The following USH2A variants were observed in gnomAD, a reference collection of about 807,000 sequenced individuals.
USH2A encodes Usher syndrome 2A (autosomal recessive, mild).
Under a neutral mutation model 538.9 loss-of-function variants are expected in USH2A, and 443 were observed. The ratio of observed to expected loss-of-function variants is 0.82; its 90% CI spans 0.76 to 0.89. The LOEUF (loss-of-function observed/expected upper bound fraction) is 0.89. USH2A is among the 40% of genes least tolerant of loss of function. The pLI is 0.00. For missense variants in USH2A, 6,633 were observed against 6,324.8 expected (o/e 1.05, Z -1.65); for synonymous variants, 2,413 against 2,273.5 (o/e 1.06, Z -1.75).
chr1:215,948,840 G>A (rs1349777951), intron 37 of USH2A, among the ~76,000 whole-genome samples: 6 of 151,968 alleles, frequency 3.9e-5, no homozygotes, highest in Non-Finnish European at 5.9e-5. Flanking sequence ...AATCTCACAT[G>A]AATAACTGGA....
intron 37 of USH2A, among the ~76,000 whole-genome samples, chr1:215,962,866 C>T (rs1558184191): frequency 6.6e-6 from 1 of 152,056 alleles, no homozygotes; most frequent in Non-Finnish European, 1.5e-5. Flanking sequence ...TGCCACTTCA[C>T]TTGTTGTTAC....
At chr1:216,166,568 T>C (rs531319469) in intron 21 of USH2A, among the ~76,000 whole-genome samples, 5 of 152,142 alleles carry the variant, frequency 3.3e-5, no homozygotes, top group African/African-American at 7.2e-5. Flanking sequence ...GGCAGTAGCG[T>C]AGGACCAGCA....
At chr1:215,654,046 T>C (rs1361850618) in intron 64 of USH2A, among the ~76,000 whole-genome samples, 3 of 152,214 alleles carry the variant, frequency 2.0e-5, no homozygotes, top group Non-Finnish European at 4.4e-5. Flanking sequence ...AGAGTTATTA[T>C]TGGGGAAGAA....
intron 37 of USH2A, among the ~76,000 whole-genome samples, chr1:215,964,171 C>T (rs1667272677): frequency 6.6e-6 from 1 of 152,098 alleles, no homozygotes; most frequent in African/African-American, 2.4e-5. Flanking sequence ...ATTATTCACC[C>T]AGCTGCCTTG....
chr1:216,241,237 G>A (rs1262614212), intron 13 of USH2A, among the ~76,000 whole-genome samples: 3 of 152,098 alleles, frequency 2.0e-5, no homozygotes, highest in East Asian at 3.9e-4. Context: ...AAATCAAGGT[G>A]AAATATATGT....
intron 21 of USH2A, chr1:216,174,895 T>C: frequency 5.4e-6 from 6 of 1,106,184 alleles, no homozygotes; most frequent in Non-Finnish European, 6.7e-6. Context: ...GAATCTCCAA[T>C]AGCATGAGGG....
chr1:216,197,568 T>C (rs971339884), intron 18 of USH2A, among the ~76,000 whole-genome samples: 1 of 152,204 alleles, frequency 6.6e-6, no homozygotes, highest in Non-Finnish European at 1.5e-5. Context: ...CCCTTGGACA[T>C]CAACCTAAAG....
At chr1:216,159,094 T>C (rs2034003919) in intron 21 of USH2A, among the ~76,000 whole-genome samples, 1 of 152,164 alleles carries the variant, frequency 6.6e-6, no homozygotes, top group African/African-American at 2.4e-5. Context: ...AACTGAATAG[T>C]TTATATATTA....
At chr1:215,810,382 C>T (rs996722508) in intron 49 of USH2A, among the ~76,000 whole-genome samples, 11 of 152,140 alleles carry the variant, frequency 7.2e-5, no homozygotes, top group African/African-American at 2.7e-4. Flanking sequence ...GGTTCAAAAT[C>T]TGACTACTTA....
intron 11 of USH2A, among the ~76,000 whole-genome samples, chr1:216,283,454 C>A (rs2036822809): frequency 6.6e-6 from 1 of 152,118 alleles, no homozygotes; most frequent in Non-Finnish European, 1.5e-5. Flanking sequence ...AAGATAATGG[C>A]ATATGCAAAT....
intron 67 of USH2A, 110 bp from the exon 68 acceptor site, chr1:215,640,844 C>CAAAAAAAAAAAA (rs56212994): frequency 6.0e-6 from 3 of 496,792 alleles, no homozygotes; most frequent in Non-Finnish European, 9.4e-6. Flanking sequence ...CCAATCCAAA[C>CAAAAAAAAAAAA]AAAAAAAAAA....
In USH2A at chr1:215,998,916, G is replaced by A. The variant is rs192115090; in HGVS notation, c.6628C>T (p.Pro2210Ser). Residue 2210 changes from proline (P) to serine (S), a missense_variant, in exon 34 of 72, where the codon CCT (proline) becomes TCT (serine). Physicochemically the swap from Pro to Ser is moderately conservative, Grantham distance 74. Transcript: ENST00000307340. ...AGCTTGATGAGATATTTATTACCAG[G>A]TAAAACGTATTGTAGCATATGATCC... ...FQDHMLQYVL[P>S]GNKYLIKLGA... 1.1e-5 allele frequency: 17 copies of A among 1,613,144 alleles called. No homozygotes were observed. In the South Asian group the frequency reaches 1.9e-4, roughly 18 times the overall value.
At chr1:216,122,876 GC>G (rs912910297) in intron 21 of USH2A, among the ~76,000 whole-genome samples, 1 of 152,116 alleles carries the variant, frequency 6.6e-6, no homozygotes, top group Non-Finnish European at 1.5e-5. Context: ...ATAGAAAATT[GC>G]TTTTTATCAA....
intron 32 of USH2A, among the ~76,000 whole-genome samples, chr1:216,007,908 A>G (rs192482727): frequency 1.3e-5 from 2 of 152,270 alleles, no homozygotes; most frequent in African/African-American, 4.8e-5. Context: ...AAATAAAATC[A>G]TAACTGTACA....
At chr1:215,931,344 T>C (rs1341193059) in intron 38 of USH2A, among the ~76,000 whole-genome samples, 1 of 151,984 alleles carries the variant, frequency 6.6e-6, no homozygotes, top group Non-Finnish European at 1.5e-5. Context: ...CCTGGTAAAA[T>C]TCTTTGGAGT....
intron 49 of USH2A, among the ~76,000 whole-genome samples, chr1:215,808,317 C>A (rs6686365): frequency 0.017 from 2,551 of 152,186 alleles, 77 homozygotes; most frequent in African/African-American, 0.058. Flanking sequence ...ATAAAACACA[C>A]CATCTCTAGG....
chr1:216,331,770 G>T (rs2037867877), intron 4 of USH2A, among the ~76,000 whole-genome samples: 1 of 152,062 alleles, frequency 6.6e-6, no homozygotes, highest in Non-Finnish European at 1.5e-5. Flanking sequence ...TGAAATATTA[G>T]TTATAAATCT....
chr1:215,893,408 A>G (rs1239358158), intron 40 of USH2A, among the ~76,000 whole-genome samples: 2 of 152,092 alleles, frequency 1.3e-5, no homozygotes, highest in East Asian at 1.9e-4. Flanking sequence ...TTATCTTTGA[A>G]TGATCTCACA....
intron 16 of USH2A, among the ~76,000 whole-genome samples, chr1:216,203,154 T>C (rs1037719798): frequency 6.6e-6 from 1 of 152,052 alleles, no homozygotes; most frequent in African/African-American, 2.4e-5. Context: ...AGGAGATACA[T>C]TCCAAGATCT....
Sources: gnomAD v4.1 joint callset for allele counts (sites outside exome capture counted in the v4.1 genomes callset) on GRCh38, gnomAD v4.1.1 for gene constraint, MANE v1.5 for transcripts, NCBI Gene and HGNC (gene_info 2026-07-23, HGNC 2026-07-21) for gene names.